Variants in CBLB observed in about 807,000 individuals in gnomAD.
The protein encoded by CBLB is Cbl proto-oncogene B.
CBLB carries 31 observed loss-of-function variants against 104.9 expected under a neutral mutation model. That is an observed-to-expected ratio of 0.30 (90% CI 0.22 to 0.40). CBLB has a LOEUF of 0.40. Ranked by LOEUF, CBLB falls within the 10% of genes least tolerant of loss-of-function variation. The probability of loss-of-function intolerance (pLI) is 1.00; values close to 1 mark genes in which losing one functional copy is unlikely to be tolerated. For synonymous variants in CBLB, 440 were observed against 422.6 expected, an observed-to-expected ratio of 1.04 and a Z score of -0.51; for missense variants, 1,062 against 1,214.6, an observed-to-expected ratio of 0.87 and a Z score of 1.87.
intron 3 of CBLB, among the ~76,000 whole-genome samples, chr3:105,791,433 T>TTC (rs200457913): frequency 0.017 from 2,659 of 152,322 alleles, 69 homozygotes; most frequent in African/African-American, 0.06. Context: ...AGTAAAGAAA[T>TTC]ATATCCTTTA....
chr3:105,668,957 T>A (rs571546470), intron 18 of CBLB, among the ~76,000 whole-genome samples: 49 of 152,320 alleles, frequency 3.2e-4, no homozygotes, highest in African/African-American at 1.2e-3. Context: ...ATAGGAAAAC[T>A]TCTGATATTC....
rs1235024210 is a variant in CBLB at position 105,720,130 on chromosome 3, A to C, written c.1324T>G (p.Phe442Val). ...GSRCCSIIDP[F>V]GMPMLDLDDD... ...TCCAAGTCTAGCATCGGCATGCCAAAGGGGTCAATGATGCTGCAACACCTG... is the reference window on the plus strand; with the variant it reads ...TCCAAGTCTAGCATCGGCATGCCAACGGGGTCAATGATGCTGCAACACCTG... The change falls in exon 10 of 19, where the codon TTT becomes GTT. Residue 442 changes from phenylalanine to valine, a missense_variant. Physicochemically the swap from Phe to Val is conservative, Grantham distance 50. Transcript: ENST00000394030. 2 of 1,613,996 alleles carry C rather than the reference A, an allele frequency of 1.2e-6. No homozygotes were observed. Among genetic ancestry groups the C allele is most frequent in the Admixed American group, 3.3e-5 (2 of 59,986 alleles).
intron 3 of CBLB, among the ~76,000 whole-genome samples, chr3:105,852,295 A>G (rs1233852357): frequency 6.6e-6 from 1 of 152,142 alleles, no homozygotes; most frequent in African/African-American, 2.4e-5. Flanking sequence ...TTCCAGTGGA[A>G]TAAGATGTGG....
chr3:105,856,405 G>GT (rs1215758489), intron 2 of CBLB, among the ~76,000 whole-genome samples: 3 of 151,422 alleles, frequency 2.0e-5, no homozygotes, highest in African/African-American at 7.3e-5. Flanking sequence ...GGGGATCAGG[G>GT]TTTTTTTCAG....
At chr3:105,838,982 T>A (rs1249657592) in intron 3 of CBLB, among the ~76,000 whole-genome samples, 1 of 152,098 alleles carries the variant, frequency 6.6e-6, no homozygotes, top group African/African-American at 2.4e-5. Flanking sequence ...CTTAGTAAAA[T>A]GAAAGGAGTT....
At chr3:105,683,731 A>G (rs1287733562) in intron 14 of CBLB, among the ~76,000 whole-genome samples, 1 of 152,220 alleles carries the variant, frequency 6.6e-6, no homozygotes, top group Non-Finnish European at 1.5e-5. Context: ...TTCTTCTGAT[A>G]CATAAAATTA....
At chr3:105,707,085 G>A (rs1251604913) in intron 10 of CBLB, among the ~76,000 whole-genome samples, 1 of 152,182 alleles carries the variant, frequency 6.6e-6, no homozygotes. Flanking sequence ...GATTTCAGAT[G>A]TGTTGAAGAG....
intron 13 of CBLB, among the ~76,000 whole-genome samples, chr3:105,688,347 C>A (rs999503234): frequency 1.3e-5 from 2 of 151,988 alleles, no homozygotes; most frequent in African/African-American, 4.8e-5. Flanking sequence ...CACCACCCCC[C>A]CCACAACCTG....
At chr3:105,726,415 A>C (rs1288490534) in intron 9 of CBLB, among the ~76,000 whole-genome samples, 1 of 150,594 alleles carries the variant, frequency 6.6e-6, no homozygotes, top group African/African-American at 2.5e-5. Context: ...AATTGAATTA[A>C]AGTCCTTGGC....
intron 16 of CBLB, 109 bp downstream of exon 16, chr3:105,681,370 C>T (rs2066293334): frequency 8.4e-7 from 1 of 1,185,702 alleles, no homozygotes; most frequent in East Asian, 2.5e-5. Context: ...AAATTTCAGG[C>T]AAATTCACAA....
intron 4 of CBLB, among the ~76,000 whole-genome samples, chr3:105,765,533 G>C (rs532522804): frequency 6.6e-6 from 1 of 152,142 alleles, no homozygotes; most frequent in South Asian, 2.1e-4. Context: ...AAAACAAAAA[G>C]CTTCAAAGGA....
intron 3 of CBLB, among the ~76,000 whole-genome samples, chr3:105,848,306 C>T (rs1560515531): frequency 6.6e-6 from 1 of 152,064 alleles, no homozygotes; most frequent in Non-Finnish European, 1.5e-5. Flanking sequence ...TCATTATCTA[C>T]TCTCAAGGCA....
chr3:105,682,966 A>G (rs2066502397), intron 14 of CBLB, among the ~76,000 whole-genome samples: 1 of 152,190 alleles, frequency 6.6e-6, no homozygotes, highest in Non-Finnish European at 1.5e-5. Context: ...CAGAGTTTAC[A>G]TTTTACTTTT....
In CBLB at chr3:105,719,164, C is replaced by CT. The variant is rs548707201; in HGVS notation, c.1407+882dup. On this transcript the variant is annotated intron_variant, in intron 10 of 18. Coordinates refer to ENST00000394030, the MANE Select transcript of CBLB (RefSeq NM_170662.5). ...ACAGCCTTCCCATTAAGAAAAAACTCTATCAGACACTTCTTCTAGATTTGA... is the reference window on the plus strand; with the variant it reads ...ACAGCCTTCCCATTAAGAAAAAACTCTTATCAGACACTTCTTCTAGATTTGA... 2.3e-3 allele frequency among the ~76,000 whole-genome samples: 344 copies of CT among 152,350 alleles called. 1 individual carries two copies. Among genetic ancestry groups the CT allele is most frequent in the African/African-American group, 6.6e-3 (273 of 41,588 alleles).
chr3:105,798,145 C>G (rs1425727016), intron 3 of CBLB, among the ~76,000 whole-genome samples: 1 of 152,174 alleles, frequency 6.6e-6, no homozygotes, highest in African/African-American at 2.4e-5. Context: ...CAAAACATAT[C>G]TACTTTTCAA....
intron 4 of CBLB, among the ~76,000 whole-genome samples, chr3:105,759,058 G>T (rs1407948514): frequency 1.3e-5 from 2 of 152,180 alleles, no homozygotes; most frequent in African/African-American, 4.8e-5. Flanking sequence ...GAAGAATGAG[G>T]TATACAAACA....
intron 7 of CBLB, among the ~76,000 whole-genome samples, chr3:105,739,731 A>C (rs1312773119): frequency 1.3e-5 from 2 of 152,206 alleles, no homozygotes; most frequent in Non-Finnish European, 2.9e-5. Flanking sequence ...GGAAAGATCT[A>C]CAGAGAGAAA....
At chr3:105,730,827 G>T (rs1008465908) in intron 9 of CBLB, among the ~76,000 whole-genome samples, 11 of 152,190 alleles carry the variant, frequency 7.2e-5, no homozygotes, top group Admixed American at 3.3e-4. Context: ...TCAACCTTCT[G>T]AATAGTTTTG....
At chr3:105,830,058 T>C (rs12185980) in intron 3 of CBLB, among the ~76,000 whole-genome samples, 16,382 of 152,178 alleles carry the variant, frequency 0.11, 987 homozygotes, top group Non-Finnish European at 0.14. Context: ...GTGTTATAAA[T>C]GAGAACAAAG....
Sources: allele counts gnomAD v4.1 joint callset (sites outside exome capture counted in the v4.1 genomes callset), GRCh38; gene constraint gnomAD v4.1.1; transcripts MANE v1.5; gene names NCBI Gene and HGNC (gene_info 2026-07-23, HGNC 2026-07-21).